Variants in CASZ1 observed in about 807,000 individuals in gnomAD.
CASZ1 encodes zinc finger protein castor homolog 1.
A neutral mutation model predicts 135.2 loss-of-function variants in CASZ1; 28 were observed. That is an observed-to-expected ratio of 0.21 (90% CI 0.15 to 0.28). The LOEUF is 0.28. Ranked by LOEUF, CASZ1 falls within the 10% of genes least tolerant of loss-of-function variation. The pLI is 1.00. For synonymous variants in CASZ1, 1,068 were observed against 1,073.4 expected (o/e 0.99, Z 0.10); for missense variants, 2,161 against 2,453.3 (o/e 0.88, Z 2.52).
In CASZ1 at chr1:10,637,132, T is replaced by G. The variant is rs1450489411; in HGVS notation, c.*1810A>C. 2 of 152,384 alleles carry G rather than the reference T, an allele frequency of 1.3e-5. No individual in the cohort carries two copies. The highest frequency in any genetic ancestry group is 2.9e-5 in the Non-Finnish European group (2 of 67,962). 9.4% of individuals were successfully genotyped at this position (152,384 alleles called of 1,614,324 possible). ...TTCTTCTTTTCTTCTTTTTTTTTTT[T>G]AAGTTTGATTTTGCTACATTGAAAA... is the stretch of plus-strand genomic sequence containing the variant. On this transcript the variant is annotated 3_prime_UTR_variant, in exon 21 of 21. Coordinates refer to ENST00000377022, the MANE Select transcript of CASZ1 (RefSeq NM_001079843.3).
intron 7 of CASZ1, among the ~76,000 whole-genome samples, 158 bp from the exon 8 acceptor site, chr1:10,656,894 A>T (rs1217173225): frequency 1.3e-5 from 2 of 152,132 alleles, no homozygotes; most frequent in Non-Finnish European, 2.9e-5. Context: ...CCTGGCGGGA[A>T]TCCCAGGCCC....
rs1215434922 is a variant in CASZ1 at position 10,774,984 on chromosome 1, C to T, written c.-233-14127G>A. Among the ~76,000 whole-genome samples, 1 of 152,136 alleles carries T rather than the reference C, an allele frequency of 6.6e-6. No individual in the cohort carries two copies. The highest frequency in any genetic ancestry group is 2.4e-5 in the African/African-American group (1 of 41,418). On this transcript the variant is annotated intron_variant, in intron 1 of 20. Coordinates refer to ENST00000377022, the MANE Select transcript of CASZ1 (RefSeq NM_001079843.3). This position sits in a 1 kb window ranked among gnomAD's most constrained non-coding sequence, Gnocchi z 4.4. ...GCATTAAACACACACACACAACACCCCAACAAGGGAGACAGAATACACCGA... is the reference window on the plus strand; with the variant it reads ...GCATTAAACACACACACACAACACCTCAACAAGGGAGACAGAATACACCGA...
intron 1 of CASZ1, among the ~76,000 whole-genome samples, chr1:10,791,758 AG>A (rs992514288): frequency 7.6e-5 from 11 of 145,240 alleles, no homozygotes; most frequent in Non-Finnish European, 1.2e-4. Context: ...AGAGAGAGAG[AG>A]AAGAGAGAGA....
At chr1:10,770,065 T>C (rs887124797) in intron 1 of CASZ1, among the ~76,000 whole-genome samples, 4 of 152,106 alleles carry the variant, frequency 2.6e-5, no homozygotes, top group African/African-American at 9.7e-5. Flanking sequence ...ATTCTTTTCT[T>C]TTCTCTCTCT....
chr1:10,784,222 G>C (rs1158317029), intron 1 of CASZ1, among the ~76,000 whole-genome samples: 1 of 152,174 alleles, frequency 6.6e-6, no homozygotes, highest in Non-Finnish European at 1.5e-5. Flanking sequence ...CCTTGGTCTT[G>C]GGAGCCCTCA....
In CASZ1 at chr1:10,636,665, A is replaced by G. The variant is rs1369139280; in HGVS notation, c.*2277T>C. On this transcript the variant is annotated 3_prime_UTR_variant, in exon 21 of 21. Coordinates refer to ENST00000377022, the MANE Select transcript of CASZ1 (RefSeq NM_001079843.3). Reference sequence around the variant, plus strand: ...CTTGCATCAGTCATGCAAAAAAAAAAAAAAAAATCAAATAAATAAAACACA... The same window carrying G: ...CTTGCATCAGTCATGCAAAAAAAAAGAAAAAAATCAAATAAATAAAACACA... 3 of 152,326 alleles carry G rather than the reference A, an allele frequency of 2.0e-5. No individual in the cohort carries two copies. The highest frequency in any genetic ancestry group is 2.9e-5 in the Non-Finnish European group (2 of 67,998). The allele number at this position is 152,326 out of a possible 1,614,324, so 9.4% of individuals were successfully genotyped here. A position where few individuals can be genotyped will look rare whatever the true frequency, so the allele number is the denominator to read the frequency against.
At chr1:10,648,572 G>T in intron 15 of CASZ1, 1 of 200,406 alleles carries the variant, frequency 5.0e-6, no homozygotes, top group South Asian at 1.3e-4. Flanking sequence ...TGTTTTAAAC[G>T]ATTTCAAGTT....
rs1042358495 is a variant in CASZ1 at position 10,697,219 on chromosome 1, T to C, written c.-23-3307A>G. Among the ~76,000 whole-genome samples, 3 of 151,498 alleles carry C rather than the reference T, an allele frequency of 2.0e-5. No homozygotes were observed. Among genetic ancestry groups the C allele is most frequent in the Non-Finnish European group, 4.4e-5 (3 of 67,810 alleles). ...GGGGTATGAGTCAGAGGCTGTGTCA[T>C]GGAGGGGCCCCCAGATTATGCGCCC... On this transcript the variant is annotated intron_variant, in intron 3 of 20. Coordinates refer to ENST00000377022, the MANE Select transcript of CASZ1 (RefSeq NM_001079843.3). The surrounding 1 kb of genome is among the most constrained non-coding windows in gnomAD (Gnocchi z 4.7).
chr1:10,783,579 G>T (rs1223312429), intron 1 of CASZ1, among the ~76,000 whole-genome samples: 1 of 151,964 alleles, frequency 6.6e-6, no homozygotes, highest in East Asian at 1.9e-4. Context: ...TAATCATTAT[G>T]AAAATAATAT....
At chr1:10,740,960 C>CAAAAAAAAAAAAA (rs374464130) in intron 2 of CASZ1, among the ~76,000 whole-genome samples, 3 of 61,472 alleles carry the variant, frequency 4.9e-5, no homozygotes, top group Admixed American at 2.2e-4. Context: ...CCTGTCTGGA[C>CAAAAAAAAAAAAA]AAAAAAAAAA....
Position 10,672,875 on chromosome 1 carries a change from C to T in CASZ1, c.17-7304G>A, listed in dbSNP as rs551544431. ...GGTGGCGGCGGCTCCGTTCCACGTCCGCCTCCTTTGGCCTTAATATTTAAT... is the reference window on the plus strand; with the variant it reads ...GGTGGCGGCGGCTCCGTTCCACGTCTGCCTCCTTTGGCCTTAATATTTAAT... On this transcript the variant is annotated intron_variant, in intron 4 of 20. Coordinates refer to ENST00000377022, the MANE Select transcript of CASZ1 (RefSeq NM_001079843.3). 9.2e-5 allele frequency among the ~76,000 whole-genome samples: 14 copies of T among 152,350 alleles called. No individual in the cohort carries two copies. The South Asian group carries it at 2.9e-3, about 32-fold the overall frequency.
At chr1:10,692,381 T>C (rs74052165) in intron 4 of CASZ1, among the ~76,000 whole-genome samples, 8,491 of 152,176 alleles carry the variant, frequency 0.056, 456 homozygotes, top group African/African-American at 0.14. Context: ...TGAGGTCTGC[T>C]TCTTGGCTGG....
At chr1:10,708,649 G>A (rs1022471163) in intron 2 of CASZ1, among the ~76,000 whole-genome samples, 12 of 152,132 alleles carry the variant, frequency 7.9e-5, no homozygotes, top group East Asian at 1.9e-4. Context: ...TCTCCTGGCC[G>A]GTTCTGAAGC....
At chr1:10,702,007 C>A (rs756462528) in intron 3 of CASZ1, among the ~76,000 whole-genome samples, 2 of 152,212 alleles carry the variant, frequency 1.3e-5, no homozygotes, top group Non-Finnish European at 2.9e-5. Context: ...TCTTCCTTTG[C>A]GGACAGCAGG....
In CASZ1 at chr1:10,735,618, T is replaced by G. The variant is rs1639783053; in HGVS notation, c.-77+25083A>C. Reference sequence around the variant, plus strand: ...CGGACAGAAGTTTTGCCTTTACCCATCCCAAATGACTCTCCCGGTTTCTGT... The same window carrying G: ...CGGACAGAAGTTTTGCCTTTACCCAGCCCAAATGACTCTCCCGGTTTCTGT... On this transcript the variant is annotated intron_variant, in intron 2 of 20. Coordinates refer to ENST00000377022, the MANE Select transcript of CASZ1 (RefSeq NM_001079843.3). The surrounding 1 kb of genome is among the most constrained non-coding windows in gnomAD (Gnocchi z 5.1). Among the ~76,000 whole-genome samples, 1 of 152,154 alleles carries G rather than the reference T, an allele frequency of 6.6e-6. No homozygotes were observed.
intron 2 of CASZ1, among the ~76,000 whole-genome samples, chr1:10,723,077 G>A (rs888055675): frequency 1.3e-5 from 2 of 152,244 alleles, no homozygotes; most frequent in Admixed American, 6.5e-5. Flanking sequence ...CATGGCGCCA[G>A]GAGCCAGAGG....
At position 10,709,439 on chromosome 1, in the gene CASZ1, C is replaced by T. The variant is rs376289363; in HGVS notation, c.-76-3895G>A. On this transcript the variant is annotated intron_variant, in intron 2 of 20. Transcript: ENST00000377022. This position sits in a 1 kb window ranked among gnomAD's most constrained non-coding sequence, Gnocchi z 5.1. The stretch of plus-strand genomic sequence containing the variant: ...AGCGTCATGGAAACGGGCACTTTCC[C>T]GGAGAAATATTCTGTTTGGCCTCCT... Among the ~76,000 whole-genome samples the T allele has an allele frequency of 3.2e-3, 480 of 152,278 alleles. No homozygotes were observed. The highest frequency in any genetic ancestry group is 5.0e-3 in the Non-Finnish European group (342 of 68,012).
At chr1:10,696,826 C>G (rs1353851264) in intron 3 of CASZ1, among the ~76,000 whole-genome samples, 1 of 152,228 alleles carries the variant, frequency 6.6e-6, no homozygotes, top group Non-Finnish European at 1.5e-5. Context: ...CAGAGCCTGA[C>G]CCATGAGGAA....
chr1:10,773,722 G>A (rs1640614067), intron 1 of CASZ1, among the ~76,000 whole-genome samples: 1 of 152,166 alleles, frequency 6.6e-6, no homozygotes, highest in African/African-American at 2.4e-5. Context: ...AGGGCCTGCT[G>A]TGGTCAGACC....
Sources: allele counts gnomAD v4.1 joint callset (sites outside exome capture counted in the v4.1 genomes callset), GRCh38; gene constraint gnomAD v4.1.1; non-coding constraint Gnocchi (gnomAD v3.1); transcripts MANE v1.5; gene names NCBI Gene and HGNC (gene_info 2026-07-23, HGNC 2026-07-21).